ZNF615: variants seen among roughly 807,000 people sequenced by gnomAD.
ZNF615 encodes the protein zinc finger protein 615.
ZNF615 carries 15 observed loss-of-function variants against 15.3 expected under a neutral mutation model. The observed-to-expected ratio is 0.98, with a 90% confidence interval of 0.66 to 1.51. The LOEUF (loss-of-function observed/expected upper bound fraction) is 1.51. Ranked by LOEUF, ZNF615 falls within the 40% of genes most tolerant of loss-of-function variation. The pLI is 0.00. For missense variants in ZNF615, 848 were observed against 895.9 expected (o/e 0.95, Z 0.68); for synonymous variants, 268 against 294.6 (o/e 0.91, Z 0.92).
chr19:52,000,472 T>C, intron 5 of ZNF615, 94 bp from the exon 6 acceptor site: 1 of 511,704 alleles, frequency 2.0e-6, no homozygotes, highest in Non-Finnish European at 3.4e-6. Context: ...AGATGATTCT[T>C]GTTCCTCATA....
intron 6 of ZNF615, among the ~76,000 whole-genome samples, chr19:51,995,528 T>C (rs565693686): frequency 6.6e-6 from 1 of 151,856 alleles, no homozygotes; most frequent in Non-Finnish European, 1.5e-5. Flanking sequence ...TATGTGTAAG[T>C]CACTATGCTC....
rs183792428 is a variant in ZNF615 at position 51,992,331 on chromosome 19, T to A, written c.*549A>T. Reference sequence around the variant, plus strand: ...GGCATATTATCTGTTAAGGTTAGAATTGTGACAGAAAGCTCTCATCCATCA... The same window carrying A: ...GGCATATTATCTGTTAAGGTTAGAAATGTGACAGAAAGCTCTCATCCATCA... On this transcript the variant is annotated 3_prime_UTR_variant, in exon 7 of 7. Transcript: ENST00000598071. 4 of 153,002 alleles carry A rather than the reference T, an allele frequency of 2.6e-5. No individual in the cohort carries two copies. In the East Asian group the frequency reaches 7.7e-4, roughly 29 times the overall value. 9.5% of individuals were successfully genotyped at this position (153,002 alleles called of 1,614,324 possible).
chr19:52,007,943 ACACCCTATCACGGACCTCTTGTAGTT>A, intron 1 of ZNF615, 172 bp downstream of exon 1: 1 of 588,144 alleles, frequency 1.7e-6, no homozygotes, highest in Non-Finnish European at 3.0e-6. Flanking sequence ...ACACACACAC[ACACCCTATCACGGACCTCTTGTAGTT>A]CCCCTGCGAT....
At position 52,008,170 on chromosome 19, in the gene ZNF615, T is replaced by C. The variant is rs952492401; in HGVS notation, c.-257A>G. ...CAGAACTTGGTGGGCTCCGGCCTCA[T>C]CTCTCGGCCTCCTCAGTGCCTGACG... On this transcript the variant is annotated 5_prime_UTR_variant, in exon 1 of 7. The change abolishes an upstream ATG in the 5' untranslated region. Transcript: ENST00000598071. 7 of 1,535,386 alleles carry C rather than the reference T, an allele frequency of 4.6e-6. No individual in the cohort carries two copies. The highest frequency in any genetic ancestry group is 6.1e-6 in the Non-Finnish European group (7 of 1,146,770).
chr19:52,003,557 T>A (rs976227191), intron 3 of ZNF615, 140 bp downstream of exon 3: 4 of 739,208 alleles, frequency 5.4e-6, no homozygotes, highest in Non-Finnish European at 6.6e-6. Flanking sequence ...GAATAATATA[T>A]CCCTGATCCT....
intron 1 of ZNF615, among the ~76,000 whole-genome samples, chr19:52,007,767 G>A (rs1425332499): frequency 1.3e-5 from 2 of 151,958 alleles, no homozygotes; most frequent in Admixed American, 6.6e-5. Context: ...ACCATAAACC[G>A]ATTCGCTGAC....
At chr19:52,000,562 A>G (rs1200360138) in intron 5 of ZNF615, among the ~76,000 whole-genome samples, 184 bp from the exon 6 acceptor site, 1 of 152,230 alleles carries the variant, frequency 6.6e-6, no homozygotes, top group Non-Finnish European at 1.5e-5. Flanking sequence ...AGATAATATT[A>G]AGGCAGAAGT....
At chr19:52,003,112 C>G (rs181091053) in intron 3 of ZNF615, among the ~76,000 whole-genome samples, 181 of 151,256 alleles carry the variant, frequency 1.2e-3, no homozygotes, top group Non-Finnish European at 1.3e-3. Flanking sequence ...CAGGTGTGAG[C>G]CACAGCGCCT....
chr19:51,994,437 G>C lies in ZNF615; in HGVS notation c.672C>G (p.Phe224Leu). The C allele has an allele frequency of 6.2e-7, 1 of 1,614,126 alleles. No individual in the cohort carries two copies. The highest frequency in any genetic ancestry group is 8.5e-7 in the Non-Finnish European group (1 of 1,180,008). The change falls in exon 7 of 7, where the codon TTC (phenylalanine) becomes TTG (leucine). Residue 224 changes from phenylalanine (F) to leucine (L), a missense_variant. Phe to Leu is a conservative substitution (Grantham distance 22). Transcript: ENST00000598071. ...AHVCSECGKA[F>L]LKLSQFIDHQ... ...GATCAATAAACTGAGACAACTTGAGGAAGGCTTTCCCACATTCACTGCATA... is the reference window on the plus strand; with the variant it reads ...GATCAATAAACTGAGACAACTTGAGCAAGGCTTTCCCACATTCACTGCATA...
rs1459150223 is a variant in ZNF615, at chr19:51,994,057, C to G, written c.1052G>C (p.Gly351Ala). ...SLTTHQKTHT[G>A]EKPYICSECG... is the part of the protein sequence containing the mutation. ...TTCACTACATATATAAGGTTTTTCTCCTGTATGAGTTTTCTGATGTGTAGT... is the reference window on the plus strand; with the variant it reads ...TTCACTACATATATAAGGTTTTTCTGCTGTATGAGTTTTCTGATGTGTAGT... Residue 351 changes from glycine (G) to alanine (A), a missense_variant, in exon 7 of 7, where the codon GGA becomes GCA. Physicochemically the swap from Gly to Ala is moderately conservative, Grantham distance 60 (BLOSUM62 0). Transcript: ENST00000598071. The G allele has an allele frequency of 1.2e-6, 2 of 1,613,976 alleles. No homozygotes were observed. Among genetic ancestry groups the G allele is most frequent in the Admixed American group, 3.3e-5 (2 of 59,992 alleles).
chr19:51,995,772 G>A (rs1424475574), intron 6 of ZNF615, among the ~76,000 whole-genome samples: 1 of 136,250 alleles, frequency 7.3e-6, no homozygotes, highest in Non-Finnish European at 1.5e-5. Context: ...GGTTTTTGCT[G>A]TGTTATCTAG....
rs1007023527 is a variant in ZNF615 at position 51,991,637 on chromosome 19, G to C, written c.*1243C>G. ...TTGCCAAGGGTTAGGGCTGAGGAGA[G>C]GTTGTGACTATAAACAAGGAGCATG... is the stretch of plus-strand genomic sequence containing the variant. On this transcript the variant is annotated 3_prime_UTR_variant, in exon 7 of 7. Coordinates refer to ENST00000598071, the MANE Select transcript of ZNF615 (RefSeq NM_001199324.2). 6.6e-6 allele frequency: 1 copy of C among 152,230 alleles called. No homozygotes were observed. The highest frequency in any genetic ancestry group is 2.4e-5 in the African/African-American group (1 of 41,456). 9.4% of individuals were successfully genotyped at this position (152,230 alleles called of 1,614,324 possible).
chr19:51,993,977 T>C lies in ZNF615; in HGVS notation c.1132A>G (p.Thr378Ala). Residue 378 changes from threonine (T) to alanine (A), a missense_variant, in exon 7 of 7, where the codon ACT becomes GCT. Transcript: ENST00000598071. ...TTGCATATAAAGGGTTTCTCACCAG[T>C]ATGAGTTCGATGATGTGCAGTAAGA... Reference protein sequence around the residue: ...RRLTAHHRTHTGEKPFICNKC... With the variant: ...RRLTAHHRTHAGEKPFICNKC... 6.2e-7 allele frequency: 1 copy of C among 1,612,370 alleles called. No individual in the cohort carries two copies. The highest frequency in any genetic ancestry group is 8.5e-7 in the Non-Finnish European group (1 of 1,178,994).
rs759111853 is a variant in ZNF615, at chr19:51,993,409, T to C, written c.1700A>G (p.Asn567Ser). 8 of 1,613,610 alleles carry C rather than the reference T, an allele frequency of 5.0e-6. No individual in the cohort carries two copies. Among genetic ancestry groups the C allele is most frequent in the East Asian group, 4.5e-5 (2 of 44,840 alleles). Residue 567 changes from asparagine to serine, a missense_variant, in exon 7 of 7, where the codon AAT (asparagine) becomes AGT (serine). Transcript: ENST00000598071. ...TCCTGTATGAGTGCGCCGATGTACATTGAGATGACTCTTCTCAGTGAAGCC... is the reference window on the plus strand; with the variant it reads ...TCCTGTATGAGTGCGCCGATGTACACTGAGATGACTCTTCTCAGTGAAGCC... ...GKGFTEKSHLNVHRRTHTGEK... is the reference protein window; with the variant it reads ...GKGFTEKSHLSVHRRTHTGEK...
chr19:51,991,436 T>C lies in ZNF615; in HGVS notation c.*1444A>G, dbSNP rs1314135503. 1 of 152,238 alleles carries C rather than the reference T, an allele frequency of 6.6e-6. No individual in the cohort carries two copies. Among genetic ancestry groups the C allele is most frequent in the Non-Finnish European group, 1.5e-5 (1 of 68,036 alleles). 9.4% of individuals were successfully genotyped at this position (152,238 alleles called of 1,614,324 possible). On this transcript the variant is annotated 3_prime_UTR_variant, in exon 7 of 7. Coordinates refer to ENST00000598071, the MANE Select transcript of ZNF615 (RefSeq NM_001199324.2). ...GAATAAACAAATAGTGGTATATTCG[T>C]ATCATAGATTATTAGTGGCCAATAA...
intron 2 of ZNF615, chr19:52,004,686 C>A (rs1487717517): frequency 1.3e-5 from 2 of 152,004 alleles, no homozygotes; most frequent in African/African-American, 4.8e-5. Context: ...AGCCACTGCA[C>A]CCGGCCGCCA....
chr19:52,007,425 C>A, intron 1 of ZNF615, 95 bp from the exon 2 acceptor site: 1 of 682,240 alleles, frequency 1.5e-6, no homozygotes, highest in Non-Finnish European at 2.1e-6. Flanking sequence ...TTTAGGTATG[C>A]TAGATGACTG....
chr19:51,996,385 C>CAAAAAAAAAAAAAAAAAAAA (rs1172310589), intron 6 of ZNF615, among the ~76,000 whole-genome samples: 16 of 33,306 alleles, frequency 4.8e-4, no homozygotes, highest in Non-Finnish European at 7.2e-4. Flanking sequence ...GACTCTGTCT[C>CAAAAAAAAAAAAAAAAAAAA]AAAAAAAAAA....
intron 4 of ZNF615, 120 bp downstream of exon 4, chr19:52,002,035 T>C (rs2086612505): frequency 1.2e-6 from 2 of 1,610,078 alleles, no homozygotes; most frequent in Non-Finnish European, 1.7e-6. Flanking sequence ...TTATACTCTC[T>C]TGTGTGGGGC....
Sources: allele counts gnomAD v4.1 joint callset (sites outside exome capture counted in the v4.1 genomes callset), GRCh38; gene constraint gnomAD v4.1.1; transcripts MANE v1.5; gene names NCBI Gene and HGNC (gene_info 2026-07-23, HGNC 2026-07-21).